PDE4D: variants seen among roughly 807,000 people sequenced by gnomAD.
The protein encoded by PDE4D is 3',5'-cyclic-AMP phosphodiesterase 4D.
PDE4D carries 24 observed loss-of-function variants against 87.4 expected under a neutral mutation model. That is an observed-to-expected ratio of 0.27 (90% CI 0.20 to 0.39). The LOEUF is 0.39. Among genes scored for constraint, PDE4D ranks in the 10% least tolerant of loss-of-function variants. The probability of loss-of-function intolerance (pLI) is 1.00; values close to 1 mark genes in which losing one functional copy is unlikely to be tolerated. For synonymous variants in PDE4D, 384 were observed against 383.2 expected (o/e 1.00, Z -0.02); for missense variants, 714 against 1,041.0 (o/e 0.69, Z 4.32).
rs552842075 is a variant in PDE4D at position 59,467,771 on chromosome 5, C to T, written c.456-251803G>A. On this transcript the variant is annotated intron_variant, in intron 1 of 14. Coordinates refer to ENST00000340635, the MANE Select transcript of PDE4D (RefSeq NM_001104631.2). The stretch of plus-strand genomic sequence containing the variant: ...TACATGGAAAATGAGAAAGAGAAGA[C>T]ATAAAACATGAAATAAATTATGTTT... 6.6e-5 allele frequency among the ~76,000 whole-genome samples: 10 copies of T among 152,224 alleles called. No individual in the cohort carries two copies. In the South Asian group the frequency reaches 2.1e-3, roughly 32 times the overall value.
intron 1 of PDE4D, among the ~76,000 whole-genome samples, chr5:60,498,561 G>A (rs1456455644): frequency 1.3e-5 from 2 of 151,980 alleles, no homozygotes; most frequent in African/African-American, 4.8e-5. Flanking sequence ...GGTTGGACAT[G>A]GATCTGACTG....
chr5:60,172,211 A>G (rs1207290433), intron 2 of PDE4D, among the ~76,000 whole-genome samples: 1 of 149,726 alleles, frequency 6.7e-6, no homozygotes, highest in Non-Finnish European at 1.5e-5. Flanking sequence ...TGCATCAACC[A>G]AATTACTTTA....
intron 1 of PDE4D, among the ~76,000 whole-genome samples, chr5:59,358,016 T>C (rs1015170298): frequency 6.6e-6 from 1 of 152,166 alleles, no homozygotes; most frequent in African/African-American, 2.4e-5. Context: ...TCAGTGAACA[T>C]CACCATATCT....
At chr5:59,261,434 A>G (rs1761992125) in intron 1 of PDE4D, among the ~76,000 whole-genome samples, 1 of 151,876 alleles carries the variant, frequency 6.6e-6, no homozygotes, top group African/African-American at 2.4e-5. Context: ...AGTAGCAGTT[A>G]TTTATAGAAA....
intron 3 of PDE4D, among the ~76,000 whole-genome samples, chr5:59,189,963 T>C (rs1317005529): frequency 6.6e-6 from 1 of 152,238 alleles, no homozygotes; most frequent in African/African-American, 2.4e-5. Flanking sequence ...TAGGATCCTT[T>C]CTGAAAATTA....
At chr5:59,913,317 A>G (rs1753652231) in intron 3 of PDE4D, among the ~76,000 whole-genome samples, 1 of 152,176 alleles carries the variant, frequency 6.6e-6, no homozygotes, top group Admixed American at 6.5e-5. Flanking sequence ...AAATTCCCAA[A>G]GCTTGGGGAG....
At chr5:59,215,658 T>C in intron 2 of PDE4D, 119 bp downstream of exon 2, 1 of 820,104 alleles carries the variant, frequency 1.2e-6, no homozygotes, top group Non-Finnish European at 2.0e-6. Flanking sequence ...TTTATTCATA[T>C]TCTTTCTACA....
intron 5 of PDE4D, among the ~76,000 whole-genome samples, chr5:59,072,203 C>A (rs1333149297): frequency 6.6e-6 from 1 of 152,044 alleles, no homozygotes. Flanking sequence ...TACCTTGCAC[C>A]ATTATCTTTG....
intron 3 of PDE4D, among the ~76,000 whole-genome samples, chr5:59,189,015 T>C (rs894732287): frequency 2.0e-5 from 3 of 152,148 alleles, no homozygotes; most frequent in Admixed American, 1.3e-4. Context: ...TAGCACAGTC[T>C]GCAAGCTTGA....
intron 5 of PDE4D, among the ~76,000 whole-genome samples, chr5:59,088,164 C>A (rs572656754): frequency 1.2e-4 from 18 of 152,282 alleles, no homozygotes; most frequent in African/African-American, 3.6e-4. Context: ...CACTAATAAC[C>A]ACTTATCTGT....
chr5:60,256,280 C>T (rs1026461433), intron 1 of PDE4D, among the ~76,000 whole-genome samples: 30 of 151,862 alleles, frequency 2.0e-4, no homozygotes, highest in Non-Finnish European at 4.4e-5. Flanking sequence ...ATCAGTACCA[C>T]TACTTTATAA....
chr5:59,993,536 A>T (rs374687706), intron 2 of PDE4D, among the ~76,000 whole-genome samples: 2 of 152,164 alleles, frequency 1.3e-5, no homozygotes, highest in South Asian at 4.1e-4. Flanking sequence ...CATTTTTATA[A>T]AACAATAATA....
At chr5:59,649,604 A>G (rs1022275841) in intron 1 of PDE4D, among the ~76,000 whole-genome samples, 2 of 152,032 alleles carry the variant, frequency 1.3e-5, no homozygotes, top group Admixed American at 1.3e-4. Flanking sequence ...CAAGACAGGA[A>G]ACAAAAAGAC....
chr5:59,391,447 T>C (rs1482744909), intron 1 of PDE4D, among the ~76,000 whole-genome samples: 4 of 152,066 alleles, frequency 2.6e-5, no homozygotes, highest in Non-Finnish European at 5.9e-5. Context: ...TTAAAAAGAG[T>C]ACCTGTCTGT....
At chr5:59,804,799 T>C (rs1767560662) in intron 1 of PDE4D, among the ~76,000 whole-genome samples, 1 of 152,156 alleles carries the variant, frequency 6.6e-6, no homozygotes, top group Non-Finnish European at 1.5e-5. Context: ...CTATTTTTTG[T>C]TTTTTCTTTT....
chr5:59,690,710 T>C (rs1213675205), intron 1 of PDE4D, among the ~76,000 whole-genome samples: 1 of 152,094 alleles, frequency 6.6e-6, no homozygotes, highest in East Asian at 1.9e-4. Flanking sequence ...AAAGCCAAAA[T>C]TGACAAATGA....
chr5:59,642,170 G>T (rs893401701), intron 1 of PDE4D, among the ~76,000 whole-genome samples: 1 of 151,884 alleles, frequency 6.6e-6, no homozygotes, highest in East Asian at 1.9e-4. Context: ...TTCAGGTGTA[G>T]GAAGAACTCT....
intron 1 of PDE4D, among the ~76,000 whole-genome samples, chr5:60,224,897 AG>A (rs1744915190): frequency 6.6e-6 from 1 of 151,822 alleles, no homozygotes; most frequent in South Asian, 2.1e-4. Flanking sequence ...AGGGATCATA[AG>A]AAACTCAGTG....
intron 1 of PDE4D, among the ~76,000 whole-genome samples, chr5:59,687,376 T>A (rs1274333384): frequency 6.6e-6 from 1 of 152,150 alleles, no homozygotes; most frequent in Non-Finnish European, 1.5e-5. Context: ...TAACAGCTGA[T>A]CCCTCGGCAG....
Sources: gnomAD v4.1 joint callset for allele counts (sites outside exome capture counted in the v4.1 genomes callset) on GRCh38, gnomAD v4.1.1 for gene constraint, MANE v1.5 for transcripts, NCBI Gene and HGNC (gene_info 2026-07-23, HGNC 2026-07-21) for gene names.